The following CPA5 variants were observed in gnomAD, a reference collection of about 807,000 sequenced individuals.
The protein encoded by CPA5 is carboxypeptidase A5.
In CPA5, 38 loss-of-function variants were observed where a neutral mutation model predicts 52.2. That is an observed-to-expected ratio of 0.73 (90% CI 0.56 to 0.95). The LOEUF is 0.95. Ranked by LOEUF, CPA5 falls within the 40% of genes least tolerant of loss-of-function variation. The pLI is 0.00. For missense variants in CPA5, 519 were observed against 566.7 expected (o/e 0.92, Z 0.86); for synonymous variants, 198 against 213.7 (o/e 0.93, Z 0.64).
Position 130,362,922 on chromosome 7 carries a change from C to T in CPA5, c.675C>T (p.Asp225=). The stretch of plus-strand genomic sequence containing the variant: ...ATGGCAAAGACCGTGTCCTGACAGA[C>T]ATACTGAATGCCATGGACATCTTCA... The part of the protein sequence containing the change: ...SDYGKDRVLT[D]ILNAMDIFIE... The change falls in exon 9 of 13, where the codon GAC becomes GAT. Residue 225 remains aspartate (D), a synonymous_variant. Transcript: ENST00000474905. The T allele has an allele frequency of 1.2e-6, 2 of 1,613,682 alleles. No homozygotes were observed. The highest frequency in any genetic ancestry group is 1.7e-6 in the Non-Finnish European group (2 of 1,179,666).
At position 130,346,546 on chromosome 7, in the gene CPA5, C is replaced by A; in HGVS notation, c.61C>A (p.Leu21Ile). The A allele has an allele frequency of 6.2e-7, 1 of 1,614,110 alleles. No individual in the cohort carries two copies. The highest frequency in any genetic ancestry group is 8.5e-7 in the Non-Finnish European group (1 of 1,179,984). ...GCCATCCCCCGTGGACAGGCGGACACTCCTGGTCTTCAGCTTTATCCTGGC... is the reference window on the plus strand; with the variant it reads ...GCCATCCCCCGTGGACAGGCGGACAATCCTGGTCTTCAGCTTTATCCTGGC... ...PGPSPVDRRT[L>I]LVFSFILAAA... The change falls in exon 3 of 13, where the codon CTC (leucine) becomes ATC (isoleucine). Residue 21 changes from leucine (L) to isoleucine (I), a missense_variant. Physicochemically the swap from Leu to Ile is conservative, Grantham distance 5. Transcript: ENST00000474905.
Position 130,344,876 on chromosome 7 carries a change from A to T in CPA5, c.-481A>T, listed in dbSNP as rs1276739432. 6.6e-6 allele frequency: 1 copy of T among 151,436 alleles called. No individual in the cohort carries two copies. Among genetic ancestry groups the T allele is most frequent in the Non-Finnish European group, 1.5e-5 (1 of 67,896 alleles). 9.4% of individuals were successfully genotyped at this position (151,436 alleles called of 1,614,324 possible). A position where few individuals can be genotyped will look rare whatever the true frequency, so the allele number is the denominator to read the frequency against. ...TCTCTCTCACTCTCTCTCTTTTCCC[A>T]CCCTTAAGCCAAGTACAGGGATAGT... On this transcript the variant is annotated 5_prime_UTR_variant, in exon 1 of 13. Coordinates refer to ENST00000474905, the MANE Select transcript of CPA5 (RefSeq NM_080385.5).
intron 3 of CPA5, among the ~76,000 whole-genome samples, chr7:130,346,836 C>T (rs782798577): frequency 3.3e-5 from 5 of 152,120 alleles, no homozygotes; most frequent in South Asian, 2.1e-4. Flanking sequence ...AGGAAGCCCC[C>T]GGGGCTCCAA....
chr7:130,361,367 CCCCAGGTGA>C (rs1795782832), intron 7 of CPA5, 123 bp downstream of exon 7: 2 of 663,608 alleles, frequency 3.0e-6, no homozygotes, highest in Admixed American at 2.4e-5. Flanking sequence ...CTACTCCTGT[CCCCAGGTGA>C]CCCATAAACT....
At position 130,347,830 on chromosome 7, in the gene CPA5, G is replaced by A. The variant is rs782615645; in HGVS notation, c.181G>A (p.Gly61Ser). 6.2e-7 allele frequency: 1 copy of A among 1,613,876 alleles called. No individual in the cohort carries two copies. Among genetic ancestry groups the A allele is most frequent in the African/African-American group, 1.3e-5 (1 of 74,982 alleles). Residue 61 changes from glycine to serine, a missense_variant, in exon 4 of 13, where the codon GGC (glycine) becomes AGC (serine). By Grantham distance (56) the Gly-to-Ser change is moderately conservative (BLOSUM62 0). Transcript: ENST00000474905. ...GCTTTCACTTCTCGGGGATCTGGAG[G>A]GCCTGAAACCCCAGAAGGTGAGGAC... Reference protein sequence around the residue: ...KQLSLLGDLEGLKPQKVDFWR... With the variant: ...KQLSLLGDLESLKPQKVDFWR...
At chr7:130,361,777 A>G (rs1795803519) in intron 7 of CPA5, among the ~76,000 whole-genome samples, 1 of 152,234 alleles carries the variant, frequency 6.6e-6, no homozygotes, top group Non-Finnish European at 1.5e-5. Flanking sequence ...TGCAGAGCCC[A>G]TCAGAAAGCA....
In CPA5 at chr7:130,363,392, G is replaced by C. The variant is rs1554407349; in HGVS notation, c.748-27G>C. 2.6e-6 allele frequency: 4 copies of C among 1,549,306 alleles called. No homozygotes were observed. The South Asian group carries it at 4.7e-5, about 18-fold the overall frequency. ...ATCCCTGGGAATGGGCCCAGTGAAT[G>C]AGGTCACCTGTCCTGGGCTTTCCCA... On this transcript the variant is annotated intron_variant, in intron 9 of 12. Transcript: ENST00000474905.
intron 11 of CPA5, 55 bp downstream of exon 11, chr7:130,367,626 A>G (rs1796171591): frequency 6.1e-6 from 9 of 1,478,576 alleles, no homozygotes; most frequent in East Asian, 4.5e-5. Context: ...AGGAAAATCC[A>G]TATCTGTCAT....
At chr7:130,369,085 C>A (rs1314141016), downstream of CPA5, among the ~76,000 whole-genome samples, 1 of 152,190 alleles carries the variant, frequency 6.6e-6, no homozygotes, top group Non-Finnish European at 1.5e-5. Flanking sequence ...ACTTCCCATG[C>A]AGGGAGGGAG....
In CPA5 at chr7:130,367,434, C is replaced by A. The variant is rs1796156379; in HGVS notation, c.901C>A (p.Pro301Thr). 3 of 1,614,000 alleles carry A rather than the reference C, an allele frequency of 1.9e-6. No homozygotes were observed. The highest frequency in any genetic ancestry group is 2.5e-6 in the Non-Finnish European group (3 of 1,180,034). ...TCACGGGCCCTCCCCTCAGTCGGAG[C>A]CGGAGGTGGCTGCCATAGTGAACTT... ...TYHGPSPQSE[P>T]EVAAIVNFIT... The change falls in exon 11 of 13, where the codon CCG becomes ACG. Residue 301 changes from proline to threonine, a missense_variant. By Grantham distance (38) the Pro-to-Thr change is conservative. Coordinates refer to ENST00000474905, the MANE Select transcript of CPA5 (RefSeq NM_080385.5).
intron 10 of CPA5, among the ~76,000 whole-genome samples, chr7:130,366,296 C>T (rs782552753): frequency 1.3e-5 from 2 of 152,104 alleles, no homozygotes; most frequent in African/African-American, 2.4e-5. Flanking sequence ...GAAGTTGAGG[C>T]GATCCCTGAT....
chr7:130,367,634 C>T, intron 11 of CPA5, 63 bp downstream of exon 11: 1 of 1,458,780 alleles, frequency 6.9e-7, no homozygotes, highest in Non-Finnish European at 9.6e-7. Flanking sequence ...CCATATCTGT[C>T]ATACTCCCAG....
intron 5 of CPA5, among the ~76,000 whole-genome samples, chr7:130,355,362 A>G (rs1215868200): frequency 2.0e-5 from 3 of 152,164 alleles, no homozygotes; most frequent in Admixed American, 6.5e-5. Context: ...AGCATTTAGC[A>G]TGTATTAACC....
chr7:130,357,324 A>T lies in CPA5; in HGVS notation c.334-2265A>T, dbSNP rs374978004. ...CCGCTCTTCCTGACGGGGGTGGAAG[A>T]CTCCACAGCAGCCATTAGGGCTTTT... is the stretch of plus-strand genomic sequence containing the variant. On this transcript the variant is annotated intron_variant, in intron 5 of 12. Transcript: ENST00000474905. Among the ~76,000 whole-genome samples, 19 of 152,014 alleles carry T rather than the reference A, an allele frequency of 1.2e-4. No individual in the cohort carries two copies. In the East Asian group the frequency reaches 3.5e-3, roughly 28 times the overall value.
intron 12 of CPA5, 141 bp downstream of exon 12, chr7:130,368,131 C>T: frequency 1.2e-6 from 1 of 840,952 alleles, no homozygotes; most frequent in South Asian, 1.6e-5. Flanking sequence ...ACCCAGGGAG[C>T]TGTTTCTTGG....
intron 5 of CPA5, among the ~76,000 whole-genome samples, chr7:130,357,737 G>C (rs1562954510): frequency 6.6e-6 from 1 of 152,092 alleles, no homozygotes; most frequent in Non-Finnish European, 1.5e-5. Flanking sequence ...AGCAGGCATT[G>C]CGAATATTTT....
intron 5 of CPA5, among the ~76,000 whole-genome samples, chr7:130,352,506 A>AG (rs533986667): frequency 1.2e-4 from 17 of 146,230 alleles, no homozygotes; most frequent in Admixed American, 3.4e-4. Context: ...AGAGCAGGTG[A>AG]GGGGGGGCTG....
In CPA5 at chr7:130,367,402, A is replaced by C. The variant is rs1796154001; in HGVS notation, c.869A>C (p.Glu290Ala). ...GGTTCTAACAGCAACCCCTGCTCAGAAACTTATCACGGGCCCTCCCCTCAG... is the reference window on the plus strand; with the variant it reads ...GGTTCTAACAGCAACCCCTGCTCAGCAACTTATCACGGGCCCTCCCCTCAG... The part of the protein sequence containing the change: ...GNGSNSNPCS[E>A]TYHGPSPQSE... Residue 290 changes from glutamate to alanine, a missense_variant, in exon 11 of 13, where the codon GAA becomes GCA. Physicochemically the swap from Glu to Ala is moderately radical, Grantham distance 107 (BLOSUM62 -1). Coordinates refer to ENST00000474905, the MANE Select transcript of CPA5 (RefSeq NM_080385.5). 4 of 1,614,028 alleles carry C rather than the reference A, an allele frequency of 2.5e-6. No individual in the cohort carries two copies. In the South Asian group the frequency reaches 4.4e-5, roughly 18 times the overall value.
In CPA5 at chr7:130,367,386, A is replaced by G; in HGVS notation, c.853A>G (p.Ser285Gly). The change falls in exon 11 of 13, where the codon AGC becomes GGC. Residue 285 changes from serine to glycine, a missense_variant. By Grantham distance (56) the Ser-to-Gly change is moderately conservative. Coordinates refer to ENST00000474905, the MANE Select transcript of CPA5 (RefSeq NM_080385.5). ...KSGFGGNGSN[S>G]NPCSETYHGP... ...TTTACTTCCAGGAAATGGTTCTAAC[A>G]GCAACCCCTGCTCAGAAACTTATCA... 6.2e-7 allele frequency: 1 copy of G among 1,614,138 alleles called. No individual in the cohort carries two copies.
Sources: gnomAD v4.1 joint callset for allele counts (sites outside exome capture counted in the v4.1 genomes callset) on GRCh38, gnomAD v4.1.1 for gene constraint, MANE v1.5 for transcripts, NCBI Gene and HGNC (gene_info 2026-07-23, HGNC 2026-07-21) for gene names.